The following ATP6V0A2 variants were observed in gnomAD, a reference collection of about 807,000 sequenced individuals.
ATP6V0A2 encodes the protein ATPase H+ transporting V0 subunit a2, also known as V-type proton ATPase 116 kDa subunit a 2.
ATP6V0A2 carries 58 observed loss-of-function variants against 104.4 expected under a neutral mutation model. That is an observed-to-expected ratio of 0.56 (90% CI 0.45 to 0.69). ATP6V0A2 has a LOEUF of 0.69. ATP6V0A2 is among the 30% of genes least tolerant of loss of function. The pLI, the probability that ATP6V0A2 is intolerant of heterozygous loss-of-function variation, is 0.00. For synonymous variants in ATP6V0A2, 376 were observed against 397.9 expected (o/e 0.95, Z 0.65); for missense variants, 938 against 1,062.9 (o/e 0.88, Z 1.63).
In ATP6V0A2 at chr12:123,743,949, T is replaced by C. The variant is rs1956634845; in HGVS notation, c.1189+14T>C. The C allele has an allele frequency of 6.2e-7, 1 of 1,614,180 alleles. No homozygotes were observed. Among genetic ancestry groups the C allele is most frequent in the Non-Finnish European group, 8.5e-7 (1 of 1,179,980 alleles). On this transcript the variant is annotated intron_variant, in intron 10 of 19. Transcript: ENST00000330342. The stretch of plus-strand genomic sequence containing the variant: ...AAGTCAATCCAGGTTGGAAGTCTGA[T>C]TTGTAAATACCCGTATTTCCAATGG...
intron 1 of ATP6V0A2, among the ~76,000 whole-genome samples, chr12:123,714,757 A>C (rs2135873765): frequency 6.6e-6 from 1 of 152,224 alleles, no homozygotes; most frequent in Middle Eastern, 3.4e-3. Flanking sequence ...AAAAACCCAA[A>C]ATTTATAAAA....
rs774222226 is a variant in ATP6V0A2 at position 123,733,943 on chromosome 12, G to T, written c.666G>T (p.Trp222Cys). ...EDPETGEVIK[W>C]YVFLISFWGE... ...CTTTGTAGGGGGAAGTCATAAAATG[G>T]TATGTCTTTTTAATATCCTTTTGGG... The change falls in exon 7 of 20, where the codon TGG becomes TGT. Residue 222 changes from tryptophan to cysteine, a missense_variant. Trp to Cys is a radical substitution (Grantham distance 215). Coordinates refer to ENST00000330342, the MANE Select transcript of ATP6V0A2 (RefSeq NM_012463.4). 6.2e-7 allele frequency: 1 copy of T among 1,612,804 alleles called. No individual in the cohort carries two copies. The highest frequency in any genetic ancestry group is 8.5e-7 in the Non-Finnish European group (1 of 1,178,826).
intron 8 of ATP6V0A2, 51 bp from the exon 9 acceptor site, chr12:123,737,004 GGACA>G: frequency 6.4e-7 from 1 of 1,559,374 alleles, no homozygotes; most frequent in Non-Finnish European, 8.8e-7. Context: ...GGTGCCAGGT[GGACA>G]GAAACAAAAA....
rs1566291407 is a variant in ATP6V0A2, at chr12:123,751,123, G to C, written c.1949G>C (p.Arg650Thr). Reference protein sequence around the residue: ...GLYTGQEYVQRVLLVVTALSV... With the variant: ...GLYTGQEYVQTVLLVVTALSV... ...CTGCACTAACAGGAGTATGTCCAGAGAGTGCTGCTGGTTGTCACAGCATTG... is the reference window on the plus strand; with the variant it reads ...CTGCACTAACAGGAGTATGTCCAGACAGTGCTGCTGGTTGTCACAGCATTG... Residue 650 changes from arginine to threonine, a missense_variant, in exon 16 of 20, where the codon AGA becomes ACA. Transcript: ENST00000330342. 2 of 1,614,178 alleles carry C rather than the reference G, an allele frequency of 1.2e-6. No individual in the cohort carries two copies. Among genetic ancestry groups the C allele is most frequent in the Non-Finnish European group, 1.7e-6 (2 of 1,180,042 alleles).
At chr12:123,737,420 CAAAATT>C in intron 9 of ATP6V0A2, 149 bp downstream of exon 9, 1 of 838,756 alleles carries the variant, frequency 1.2e-6, no homozygotes, top group Non-Finnish European at 1.9e-6. Flanking sequence ...TATTAATTAA[CAAAATT>C]AAAATAGAGA....
intron 18 of ATP6V0A2, among the ~76,000 whole-genome samples, chr12:123,756,092 A>C (rs1299947521): frequency 6.6e-6 from 1 of 151,010 alleles, no homozygotes; most frequent in African/African-American, 2.4e-5. Flanking sequence ...AAAAAAAAAA[A>C]AAAAAAACCG....
intron 6 of ATP6V0A2, chr12:123,731,706 T>A (rs1956503534): frequency 6.6e-6 from 1 of 152,350 alleles, no homozygotes; most frequent in African/African-American, 2.4e-5. Context: ...AACTCTTTTC[T>A]GACAGTGTGA....
chr12:123,744,365 T>A lies in ATP6V0A2; in HGVS notation c.1326+28T>A. On this transcript the variant is annotated intron_variant, in intron 11 of 19. Coordinates refer to ENST00000330342, the MANE Select transcript of ATP6V0A2 (RefSeq NM_012463.4). The surrounding 1 kb of genome is among the most constrained non-coding windows in gnomAD (Gnocchi z 5.4). ...AAAAATATAAACACTCCAGCTCATA[T>A]ATCTGGTTAGGTGGCATTAGCAGTG... 6.2e-7 allele frequency: 1 copy of A among 1,613,974 alleles called. No individual in the cohort carries two copies. Among genetic ancestry groups the A allele is most frequent in the South Asian group, 1.1e-5 (1 of 91,064 alleles).
chr12:123,719,887 C>T (rs530677390), intron 2 of ATP6V0A2, among the ~76,000 whole-genome samples: 1 of 152,290 alleles, frequency 6.6e-6, no homozygotes, highest in East Asian at 1.9e-4. Flanking sequence ...TTAGCTGCTA[C>T]TGTAAAGGTC....
At chr12:123,739,231 G>T (rs543304954) in intron 9 of ATP6V0A2, among the ~76,000 whole-genome samples, 1 of 152,152 alleles carries the variant, frequency 6.6e-6, no homozygotes, top group Non-Finnish European at 1.5e-5. Context: ...TCTTTGCTCC[G>T]CTCGTGGGCA....
chr12:123,744,006 A>G lies in ATP6V0A2; in HGVS notation c.1189+71A>G. On this transcript the variant is annotated intron_variant, in intron 10 of 19. Transcript: ENST00000330342. The surrounding 1 kb of genome is among the most constrained non-coding windows in gnomAD (Gnocchi z 5.4). ...TGCATTCTTGCTCTAAGAATGGAAT[A>G]GATATTTGGAAAGAGAGGCTGACCA... The G allele has an allele frequency of 6.3e-7, 1 of 1,596,346 alleles. No individual in the cohort carries two copies. The highest frequency in any genetic ancestry group is 8.6e-7 in the Non-Finnish European group (1 of 1,163,942).
At chr12:123,731,254 TA>T (rs955868629) in intron 6 of ATP6V0A2, 1 of 152,224 alleles carries the variant, frequency 6.6e-6, no homozygotes, top group African/African-American at 2.4e-5. Context: ...CTGGGTAAGA[TA>T]GGGGTATTTT....
At chr12:123,752,223 T>C in intron 16 of ATP6V0A2, 60 bp from the exon 17 acceptor site, 1 of 1,608,582 alleles carries the variant, frequency 6.2e-7, no homozygotes. Context: ...TATACAAGTT[T>C]GGTTTTGTCA....
chr12:123,757,430 ACT>A (rs1956775621), intron 19 of ATP6V0A2, among the ~76,000 whole-genome samples: 1 of 116,040 alleles, frequency 8.6e-6, no homozygotes, highest in Admixed American at 1.0e-4. Flanking sequence ...GACGAGCGAA[ACT>A]CTGTGTCAAA....
Position 123,758,268 on chromosome 12 carries a change from G to C in ATP6V0A2, c.*236G>C. The C allele has an allele frequency of 2.5e-6, 1 of 396,594 alleles. No homozygotes were observed. Among genetic ancestry groups the C allele is most frequent in the Non-Finnish European group, 4.5e-6 (1 of 222,828 alleles). 24.6% of individuals were successfully genotyped at this position (396,594 alleles called of 1,614,324 possible). On this transcript the variant is annotated 3_prime_UTR_variant, in exon 20 of 20. Coordinates refer to ENST00000330342, the MANE Select transcript of ATP6V0A2 (RefSeq NM_012463.4). ...TTATGATGAGCAAATATAAGTTAATGCCAAACGTTATGTTAAAGTTATTTT... is the reference window on the plus strand; with the variant it reads ...TTATGATGAGCAAATATAAGTTAATCCCAAACGTTATGTTAAAGTTATTTT...
At chr12:123,753,986 G>A (rs2135920279) in intron 17 of ATP6V0A2, 1 of 193,168 alleles carries the variant, frequency 5.2e-6, no homozygotes, top group Middle Eastern at 2.1e-3. Context: ...AGTTTTCCCT[G>A]GTTGGCTCTA....
intron 9 of ATP6V0A2, among the ~76,000 whole-genome samples, chr12:123,741,142 A>G (rs1338605869): frequency 1.3e-5 from 2 of 152,176 alleles, no homozygotes; most frequent in East Asian, 3.9e-4. Context: ...ATGAAATTAG[A>G]CTTTTGAGGC....
intron 9 of ATP6V0A2, chr12:123,739,112 C>T (rs1329420463): frequency 6.6e-6 from 1 of 152,302 alleles, no homozygotes; most frequent in African/African-American, 2.4e-5. Context: ...TCAGATCGAG[C>T]CCATGGTGCT....
rs536197463 is a variant in ATP6V0A2 at position 123,742,718 on chromosome 12, C to A, written c.1039-1067C>A. Among the ~76,000 whole-genome samples, 5 of 152,142 alleles carry A rather than the reference C, an allele frequency of 3.3e-5. No individual in the cohort carries two copies. In the East Asian group the frequency reaches 9.7e-4, roughly 29 times the overall value. Reference sequence around the variant, plus strand: ...CAGGCGTGGTGGTGTGCAATGTAATCCCAACTACTTGGGAGGCTGAGGCAC... The same window carrying A: ...CAGGCGTGGTGGTGTGCAATGTAATACCAACTACTTGGGAGGCTGAGGCAC... On this transcript the variant is annotated intron_variant, in intron 9 of 19. Coordinates refer to ENST00000330342, the MANE Select transcript of ATP6V0A2 (RefSeq NM_012463.4).
Sources: gnomAD v4.1 joint callset for allele counts (sites outside exome capture counted in the v4.1 genomes callset) on GRCh38, gnomAD v4.1.1 for gene constraint, Gnocchi (gnomAD v3.1) non-coding constraint, MANE v1.5 for transcripts, NCBI Gene and HGNC (gene_info 2026-07-23, HGNC 2026-07-21) for gene names.